The following CDH13 variants were observed in gnomAD, a reference collection of about 807,000 sequenced individuals.
CDH13 encodes cadherin-13.
CDH13 carries 24 observed loss-of-function variants against 63.8 expected under a neutral mutation model. The observed-to-expected ratio is 0.38, with a 90% CI of 0.27 to 0.53. The LOEUF is 0.53. CDH13 is among the 20% of genes least tolerant of loss of function. The pLI is 0.85. For synonymous variants in CDH13, 503 were observed against 355.3 expected (o/e 1.42, Z -4.67); for missense variants, 1,049 against 903.1 (o/e 1.16, Z -2.07).
intron 3 of CDH13, among the ~76,000 whole-genome samples, chr16:83,036,888 G>C (rs749528748): frequency 2.0e-5 from 3 of 152,102 alleles, no homozygotes; most frequent in Non-Finnish European, 4.4e-5. Flanking sequence ...CAGCATCCCA[G>C]GGTCCACTTT....
chr16:82,733,388 G>C (rs2033502031), intron 1 of CDH13, among the ~76,000 whole-genome samples: 1 of 152,020 alleles, frequency 6.6e-6, no homozygotes, highest in South Asian at 2.1e-4. Flanking sequence ...AAAATCAAAT[G>C]ATCTATTGCG....
intron 7 of CDH13, among the ~76,000 whole-genome samples, chr16:83,523,459 T>C (rs1241989202): frequency 6.6e-6 from 1 of 152,178 alleles, no homozygotes; most frequent in African/African-American, 2.4e-5. Flanking sequence ...CCTACCCTTT[T>C]CATTATCCTT....
At chr16:83,055,393 A>G (rs1207883103) in intron 3 of CDH13, among the ~76,000 whole-genome samples, 1 of 122,442 alleles carries the variant, frequency 8.2e-6, no homozygotes, top group Non-Finnish European at 1.6e-5. Context: ...GAAAAAAAAA[A>G]GAAAAGACAC....
chr16:83,791,171 GC>G (rs1916239447), intron 13 of CDH13, among the ~76,000 whole-genome samples: 1 of 151,932 alleles, frequency 6.6e-6, no homozygotes, highest in Non-Finnish European at 1.5e-5. Context: ...AGAAAAAAAA[GC>G]CCCACCCCAT....
At chr16:83,258,582 A>C (rs1222846408) in intron 5 of CDH13, among the ~76,000 whole-genome samples, 1 of 152,210 alleles carries the variant, frequency 6.6e-6, no homozygotes, top group South Asian at 2.1e-4. Flanking sequence ...TCAAATGTGC[A>C]CTGCGGACCA....
intron 2 of CDH13, among the ~76,000 whole-genome samples, chr16:83,030,608 A>C (rs1258430326): frequency 1.4e-5 from 2 of 141,706 alleles, no homozygotes; most frequent in African/African-American, 5.4e-5. Context: ...GCGCCACTGC[A>C]CTCCAGTCTG....
At chr16:83,508,099 A>AAGGAAGGAAGGAAG (rs1491205296) in intron 7 of CDH13, among the ~76,000 whole-genome samples, 783 of 59,768 alleles carry the variant, frequency 0.013, 42 homozygotes, top group African/African-American at 0.023. Context: ...AAGGAAGGAA[A>AAGGAAGGAAGGAAG]GAAGGAAGGA....
chr16:82,717,857 A>T (rs930103946), intron 1 of CDH13, among the ~76,000 whole-genome samples: 6 of 112,042 alleles, frequency 5.4e-5, no homozygotes, highest in African/African-American at 2.1e-4. Context: ...GTAGGGGTTC[A>T]TCAGTTAGTG....
At position 83,043,490 on chromosome 16, in the gene CDH13, AGTGTGTGTGTGT is replaced by A. The variant is rs67312035; in HGVS notation, c.366+11299_366+11310del. 3.0e-3 allele frequency among the ~76,000 whole-genome samples: 395 copies of A among 132,228 alleles called. 5 individuals carry two copies. Among genetic ancestry groups the A allele is most frequent in the Admixed American group, 0.025 (330 of 13,382 alleles). The allele number at this position is 132,228 out of a possible 152,430, so 86.7% of individuals were successfully genotyped here. ...AATTTATATAATAACTGTATATATG[AGTGTGTGTGTGT>A]GTGTGTGTGTGTGTGTGTGTGTGTG... On this transcript the variant is annotated intron_variant, in intron 3 of 13. Coordinates refer to ENST00000567109, the MANE Select transcript of CDH13 (RefSeq NM_001257.5).
At chr16:83,255,523 C>T (rs1906153786) in intron 5 of CDH13, among the ~76,000 whole-genome samples, 2 of 152,194 alleles carry the variant, frequency 1.3e-5, no homozygotes, top group Admixed American at 1.3e-4. Flanking sequence ...AAAGAATGGG[C>T]TACGTGTCCC....
intron 10 of CDH13, among the ~76,000 whole-genome samples, chr16:83,734,600 G>A (rs186371595): frequency 2.6e-5 from 4 of 151,266 alleles, no homozygotes; most frequent in East Asian, 1.9e-4. Context: ...GGGAAGGGGG[G>A]AGGGATAGCA....
At chr16:82,701,152 T>A (rs1227461005) in intron 1 of CDH13, among the ~76,000 whole-genome samples, 1 of 152,092 alleles carries the variant, frequency 6.6e-6, no homozygotes, top group East Asian at 1.9e-4. Context: ...AATTTTTTAT[T>A]TCTTTCTCTT....
chr16:82,922,785 ACTAG>A (rs2151283146), intron 2 of CDH13, among the ~76,000 whole-genome samples: 1 of 152,328 alleles, frequency 6.6e-6, no homozygotes, highest in East Asian at 1.9e-4. Flanking sequence ...TTGGTGAGCC[ACTAG>A]CTAGTCTGTG....
At chr16:82,693,281 T>G (rs7342783) in intron 1 of CDH13, among the ~76,000 whole-genome samples, 21,526 of 152,172 alleles carry the variant, frequency 0.14, 2,101 homozygotes, top group African/African-American at 0.28. Flanking sequence ...AATAAGTACC[T>G]CTTTATTTTA....
chr16:83,460,709 A>G (rs965861254), intron 6 of CDH13, among the ~76,000 whole-genome samples: 19 of 152,160 alleles, frequency 1.2e-4, no homozygotes, highest in Non-Finnish European at 2.8e-4. Context: ...AAAATTGCAG[A>G]TAGCCTGAGT....
chr16:83,212,832 G>A (rs991129935), intron 4 of CDH13, among the ~76,000 whole-genome samples: 2 of 152,118 alleles, frequency 1.3e-5, no homozygotes, highest in Non-Finnish European at 2.9e-5. Flanking sequence ...GGGAAGCCTG[G>A]GAATTTGCGT....
At chr16:83,165,253 A>G (rs957201504) in intron 4 of CDH13, among the ~76,000 whole-genome samples, 3 of 152,090 alleles carry the variant, frequency 2.0e-5, no homozygotes, top group Non-Finnish European at 2.9e-5. Context: ...TGATCTGCCA[A>G]GATGTTCCAC....
chr16:82,988,149 C>T (rs898674454), intron 2 of CDH13, among the ~76,000 whole-genome samples: 45 of 152,166 alleles, frequency 3.0e-4, no homozygotes, highest in African/African-American at 9.6e-4. Flanking sequence ...AACCCAGGGT[C>T]GTGTGTGTAC....
chr16:82,824,451 T>C (rs1207194275), intron 1 of CDH13: 1 of 152,164 alleles, frequency 6.6e-6, no homozygotes, highest in East Asian at 1.9e-4. Flanking sequence ...GAATTTGCAG[T>C]TCTTACTAAA....
Sources: gnomAD v4.1 joint callset for allele counts (sites outside exome capture counted in the v4.1 genomes callset) on GRCh38, gnomAD v4.1.1 for gene constraint, MANE v1.5 for transcripts, NCBI Gene and HGNC (gene_info 2026-07-23, HGNC 2026-07-21) for gene names.